The following CNGA1 variants were observed in gnomAD, a reference collection of about 807,000 sequenced individuals.
CNGA1 encodes cyclic nucleotide gated channel subunit alpha 1, also known as cyclic nucleotide-gated channel alpha-1.
CNGA1 carries 53 observed loss-of-function variants against 69.7 expected under a neutral mutation model. That is an observed-to-expected ratio of 0.76 (90% CI 0.61 to 0.96). The LOEUF (loss-of-function observed/expected upper bound fraction) is 0.96. Ranked by LOEUF, CNGA1 falls within the 40% of genes least tolerant of loss-of-function variation. The pLI, the probability that CNGA1 is intolerant of heterozygous loss-of-function variation, is 0.00. For synonymous variants in CNGA1, 249 were observed against 283.5 expected, an observed-to-expected ratio of 0.88 and a Z score of 1.22; for missense variants, 739 against 811.2, an observed-to-expected ratio of 0.91 and a Z score of 1.08.
chr4:47,942,359 G>GTTT (rs201657712), intron 8 of CNGA1, among the ~76,000 whole-genome samples: 1 of 123,322 alleles, frequency 8.1e-6, no homozygotes, highest in Non-Finnish European at 1.7e-5. Context: ...AAAACTACCA[G>GTTT]TTTTTTTTTT....
In CNGA1 at chr4:47,984,693, CAT is replaced by C. The variant is rs1202019004; in HGVS notation, c.-122-3195_-122-3194del. 3.9e-4 allele frequency among the ~76,000 whole-genome samples: 52 copies of C among 132,850 alleles called. 1 individual carries two copies. Among genetic ancestry groups the C allele is most frequent in the South Asian group, 1.7e-3 (7 of 4,160 alleles). The allele number at this position is 132,850 out of a possible 152,430, so 87.2% of individuals were successfully genotyped here. A position where few individuals can be genotyped will look rare whatever the true frequency, so the allele number is the denominator to read the frequency against. On this transcript the variant is annotated intron_variant, in intron 2 of 10. Transcript: ENST00000514170. ...ACACACACACACACACACACACACA[CAT>C]ATATATATAATATATATAATTGTCC...
chr4:47,944,701 G>A lies in CNGA1; in HGVS notation c.288-1289C>T, dbSNP rs180913155. 2.8e-4 allele frequency among the ~76,000 whole-genome samples: 43 copies of A among 152,310 alleles called. 1 individual carries two copies. The highest frequency in any genetic ancestry group is 2.6e-3 in the Admixed American group (40 of 15,296). On this transcript the variant is annotated intron_variant, in intron 6 of 10. Coordinates refer to ENST00000514170, the MANE Select transcript of CNGA1 (RefSeq NM_001379270.1). The stretch of plus-strand genomic sequence containing the variant: ...TGATGTGGAATGGGCTGGTGAGAGG[G>A]ATATTATCAGCTTTGAGAAGTTCAG...
chr4:47,967,723 A>G (rs1439377317), intron 3 of CNGA1, among the ~76,000 whole-genome samples: 1 of 152,222 alleles, frequency 6.6e-6, no homozygotes, highest in East Asian at 1.9e-4. Context: ...TCACACCTGT[A>G]ATCCCAGCAC....
intron 3 of CNGA1, among the ~76,000 whole-genome samples, chr4:47,970,521 G>A (rs930684144): frequency 5.3e-5 from 8 of 151,672 alleles, no homozygotes; most frequent in East Asian, 1.9e-4. Context: ...GCATGGTGGC[G>A]CATGCCTGTA....
chr4:47,963,861 TG>T (rs1159358059), intron 3 of CNGA1, among the ~76,000 whole-genome samples: 1 of 152,144 alleles, frequency 6.6e-6, no homozygotes, highest in Non-Finnish European at 1.5e-5. Context: ...ACCTCATTAT[TG>T]AAAGTAAAAT....
At chr4:48,001,900 A>G (rs1242341315) in intron 2 of CNGA1, among the ~76,000 whole-genome samples, 1 of 152,216 alleles carries the variant, frequency 6.6e-6, no homozygotes, top group Non-Finnish European at 1.5e-5. Flanking sequence ...GAAAAGCTGC[A>G]GTTATCTGGA....
chr4:47,942,171 G>A, intron 8 of CNGA1, 23 bp from the exon 9 acceptor site: 1 of 1,405,856 alleles, frequency 7.1e-7, no homozygotes. Flanking sequence ...AGAAATAAAG[G>A]GGATAGTTAC....
chr4:47,984,305 T>C (rs1237536957), intron 2 of CNGA1, among the ~76,000 whole-genome samples: 1 of 152,126 alleles, frequency 6.6e-6, no homozygotes, highest in Non-Finnish European at 1.5e-5. Flanking sequence ...TAATGCCCAC[T>C]ATTACTTTTT....
intron 2 of CNGA1, among the ~76,000 whole-genome samples, chr4:48,006,860 C>A (rs1714941835): frequency 6.6e-6 from 1 of 151,954 alleles, no homozygotes; most frequent in African/African-American, 2.4e-5. Context: ...TGACCTCAAA[C>A]GATCCTCCCT....
At chr4:47,953,961 A>G (rs1417305974) in intron 3 of CNGA1, among the ~76,000 whole-genome samples, 1 of 151,790 alleles carries the variant, frequency 6.6e-6, no homozygotes, top group Non-Finnish European at 1.5e-5. Flanking sequence ...TTTCGCCTCA[A>G]TGTTGCATTT....
intron 3 of CNGA1, among the ~76,000 whole-genome samples, chr4:47,968,603 C>G (rs1037392082): frequency 6.6e-6 from 1 of 152,150 alleles, no homozygotes; most frequent in Non-Finnish European, 1.5e-5. Context: ...CCTACTGCCC[C>G]AAGAGCAGGA....
In CNGA1 at chr4:47,957,380, T is replaced by G. The variant is rs146275434; in HGVS notation, c.-14-4677A>C. On this transcript the variant is annotated intron_variant, in intron 3 of 10. Transcript: ENST00000514170. The stretch of plus-strand genomic sequence containing the variant: ...CTGTAATCCAAGCACTTTGGGAGGC[T>G]GAGGTGGTAGGATTGCTTAAGGCCA... Among the ~76,000 whole-genome samples, 888 of 152,228 alleles carry G rather than the reference T, an allele frequency of 5.8e-3. 5 individuals are homozygous for G. Among genetic ancestry groups the G allele is most frequent in the African/African-American group, 0.021 (865 of 41,538 alleles).
chr4:47,957,328 TCA>T (rs1403304630), intron 3 of CNGA1, among the ~76,000 whole-genome samples: 1 of 152,092 alleles, frequency 6.6e-6, no homozygotes, highest in Admixed American at 6.5e-5. Flanking sequence ...TGAGCAAAAA[TCA>T]CACACTGAGC....
chr4:47,990,061 T>C (rs1337135453), intron 2 of CNGA1, among the ~76,000 whole-genome samples: 1 of 152,114 alleles, frequency 6.6e-6, no homozygotes, highest in Non-Finnish European at 1.5e-5. Context: ...ACGGTACAAA[T>C]TGTGTGTAAA....
At chr4:47,952,892 T>C in intron 3 of CNGA1, 189 bp from the exon 4 acceptor site, 1 of 346,026 alleles carries the variant, frequency 2.9e-6, no homozygotes. Flanking sequence ...AGCCTCACAA[T>C]CATGGCAGAA....
Position 47,974,201 on chromosome 4 carries a change from T to A in CNGA1, c.-15+7192A>T, listed in dbSNP as rs930232969. The stretch of plus-strand genomic sequence containing the variant: ...AAATTGTGAAGTAATATTTATAGTA[T>A]CATACATTTTATTTTAAAACTGTGT... On this transcript the variant is annotated intron_variant, in intron 3 of 10. Transcript: ENST00000514170. Among the ~76,000 whole-genome samples, 43 of 35,872 alleles carry A rather than the reference T, an allele frequency of 1.2e-3. No individual in the cohort carries two copies. The African/African-American group carries it at 0.015, about 12-fold the overall frequency. 23.5% of individuals were successfully genotyped at this position (35,872 alleles called of 152,430 possible).
At chr4:47,940,047 A>T (rs1738978019) in intron 10 of CNGA1, among the ~76,000 whole-genome samples, 1 of 152,182 alleles carries the variant, frequency 6.6e-6, no homozygotes, top group Non-Finnish European at 1.5e-5. Context: ...TGCTGTTACC[A>T]TGGGCTTGTG....
At chr4:48,015,514 AT>A (rs1011210109) in intron 1 of CNGA1, among the ~76,000 whole-genome samples, 10 of 152,080 alleles carry the variant, frequency 6.6e-5, no homozygotes, top group Admixed American at 1.3e-4. Flanking sequence ...ACATGAGAAT[AT>A]TTTCCTCAGT....
chr4:47,973,963 C>A (rs1188627957), intron 3 of CNGA1, among the ~76,000 whole-genome samples: 1 of 151,918 alleles, frequency 6.6e-6, no homozygotes, highest in Non-Finnish European at 1.5e-5. Context: ...GTGGTTGAGG[C>A]GGGCGGATCT....
Sources: gnomAD v4.1 joint callset for allele counts (sites outside exome capture counted in the v4.1 genomes callset) on GRCh38, gnomAD v4.1.1 for gene constraint, MANE v1.5 for transcripts, NCBI Gene and HGNC (gene_info 2026-07-23, HGNC 2026-07-21) for gene names.